Variants in TLR4 observed in about 807,000 individuals in gnomAD.
TLR4 encodes toll like receptor 4.
Under a neutral mutation model 27.4 loss-of-function variants are expected in TLR4, and 17 were observed. The observed-to-expected ratio is 0.62, with a 90% CI of 0.42 to 0.93. The LOEUF is 0.93. TLR4 is among the 40% of genes least tolerant of loss of function. TLR4 has a pLI of 0.00. For missense variants in TLR4, 926 were observed against 962.3 expected (o/e 0.96, Z 0.50); for synonymous variants, 363 against 365.7 (o/e 0.99, Z 0.08).
At chr9:117,706,807 C>A (rs890483613) in intron 1 of TLR4, among the ~76,000 whole-genome samples, 1 of 152,174 alleles carries the variant, frequency 6.6e-6, no homozygotes, top group Non-Finnish European at 1.5e-5. Flanking sequence ...TATTTTATGG[C>A]CCCTTGAGAT....
At position 117,722,379 on chromosome 9, in the gene TLR4, A is replaced by T. The variant is rs2131181633; in HGVS notation, c.*7731A>T. 6.6e-6 allele frequency: 1 copy of T among 152,316 alleles called. No homozygotes were observed. The highest frequency in any genetic ancestry group is 1.9e-4 in the East Asian group (1 of 5,186). The allele number at this position is 152,316 out of a possible 1,614,324, so 9.4% of individuals were successfully genotyped here. A position where few individuals can be genotyped will look rare whatever the true frequency, so the allele number is the denominator to read the frequency against. Reference sequence around the variant, plus strand: ...TGAAATTCAGTAGTTTTGGTCTTTAAGCTGAGACCCTGAGTCTTCTGAGGA... The same window carrying T: ...TGAAATTCAGTAGTTTTGGTCTTTATGCTGAGACCCTGAGTCTTCTGAGGA... On this transcript the variant is annotated 3_prime_UTR_variant, in exon 3 of 3. Transcript: ENST00000355622.
At chr9:117,706,371 T>C (rs12344353) in intron 1 of TLR4, among the ~76,000 whole-genome samples, 12,262 of 152,240 alleles carry the variant, frequency 0.081, 614 homozygotes, top group African/African-American at 0.13. Flanking sequence ...CACAACATTT[T>C]ATATTTTTGT....
chr9:117,714,397 T>C lies in TLR4; in HGVS notation c.2269T>C (p.Trp757Arg), dbSNP rs1829304123. Residue 757 changes from tryptophan (W) to arginine (R), a missense_variant, in exon 3 of 3, where the codon TGG becomes CGG. Transcript: ENST00000355622. ...CTTTGAATATGAGATTGCTCAGACC[T>C]GGCAGTTTCTGAGCAGTCGTGCTGG... ...CIFEYEIAQT[W>R]QFLSSRAGII... 1.2e-6 allele frequency: 2 copies of C among 1,610,912 alleles called. No individual in the cohort carries two copies.
intron 2 of TLR4, among the ~76,000 whole-genome samples, chr9:117,710,908 AG>A (rs1829220466): frequency 2.0e-5 from 3 of 152,152 alleles, no homozygotes; most frequent in African/African-American, 7.2e-5. Context: ...ACTTCTCTAA[AG>A]TGATTATCAC....
At chr9:117,708,022 G>C (rs1829164288) in intron 1 of TLR4, 1 of 183,360 alleles carries the variant, frequency 5.5e-6, no homozygotes, top group Admixed American at 6.2e-5. Context: ...TCATGGATTT[G>C]TGTGTCATCC....
In TLR4 at chr9:117,714,194, G is replaced by A; in HGVS notation, c.2066G>A (p.Arg689Lys). Reference sequence around the variant, plus strand: ...TCAAGCCAGGATGAGGACTGGGTAAGGAATGAGCTAGTAAAGAATTTAGAA... The same window carrying A: ...TCAAGCCAGGATGAGGACTGGGTAAAGAATGAGCTAGTAAAGAATTTAGAA... ...IYSSQDEDWV[R>K]NELVKNLEEG... Residue 689 changes from arginine (R) to lysine (K), a missense_variant, in exon 3 of 3, where the codon AGG (arginine) becomes AAG (lysine). By Grantham distance (26) the Arg-to-Lys change is conservative (BLOSUM62 2). Transcript: ENST00000355622. 2 of 1,611,078 alleles carry A rather than the reference G, an allele frequency of 1.2e-6. No homozygotes were observed. Among genetic ancestry groups the A allele is most frequent in the Non-Finnish European group, 1.7e-6 (2 of 1,177,454 alleles).
rs758725155 is a variant in TLR4 at position 117,713,242 on chromosome 9, C to G, written c.1114C>G (p.Leu372Val). ...KGGNAFSEVD[L>V]PSLEFLDLSR... ...TGGGAATGCTTTTTCAGAAGTTGAT[C>G]TACCAAGCCTTGAGTTTCTAGATCT... Residue 372 changes from leucine to valine, a missense_variant, in exon 3 of 3, where the codon CTA (leucine) becomes GTA (valine). Physicochemically the swap from Leu to Val is conservative, Grantham distance 32 (BLOSUM62 1). Coordinates refer to ENST00000355622, the MANE Select transcript of TLR4 (RefSeq NM_138554.5). 6.2e-6 allele frequency: 10 copies of G among 1,614,004 alleles called. No homozygotes were observed. Among genetic ancestry groups the G allele is most frequent in the African/African-American group, 2.7e-5 (2 of 75,042 alleles).
In TLR4 at chr9:117,713,406, T is replaced by C. The variant is rs200422615; in HGVS notation, c.1278T>C (p.His426=). The part of the protein sequence containing the change: ...SNFLGLEQLE[H]LDFQHSNLKQ... ...TCTTGGGCTTAGAACAACTAGAACATCTGGATTTCCAGCATTCCAATTTGA... is the reference window on the plus strand; with the variant it reads ...TCTTGGGCTTAGAACAACTAGAACACCTGGATTTCCAGCATTCCAATTTGA... The change falls in exon 3 of 3, where the codon CAT becomes CAC. Residue 426 remains histidine (H), a synonymous_variant. Coordinates refer to ENST00000355622, the MANE Select transcript of TLR4 (RefSeq NM_138554.5). The C allele has an allele frequency of 3.2e-5, 52 of 1,614,056 alleles. No homozygotes were observed. The highest frequency in any genetic ancestry group is 8.3e-5 in the Admixed American group (5 of 60,006).
rs200109902 is a variant in TLR4, at chr9:117,712,380, T to C, written c.261-9T>C. On this transcript the variant is annotated splice_polypyrimidine_tract_variant and intron_variant, in intron 2 of 2. Transcript: ENST00000355622. Reference sequence around the variant, plus strand: ...ATATTAGATAATCAATGTCTTTTTATTCCTGTAGGTGTGAAATCCAGACAA... The same window carrying C: ...ATATTAGATAATCAATGTCTTTTTACTCCTGTAGGTGTGAAATCCAGACAA... 1.2e-6 allele frequency: 2 copies of C among 1,611,890 alleles called. No homozygotes were observed. Among genetic ancestry groups the C allele is most frequent in the Non-Finnish European group, 1.7e-6 (2 of 1,178,216 alleles).
At position 117,714,295 on chromosome 9, in the gene TLR4, A is replaced by G. The variant is rs548839944; in HGVS notation, c.2167A>G (p.Ile723Val). Residue 723 changes from isoleucine (I) to valine (V), a missense_variant, in exon 3 of 3, where the codon ATC (isoleucine) becomes GTC (valine). Coordinates refer to ENST00000355622, the MANE Select transcript of TLR4 (RefSeq NM_138554.5). Reference protein sequence around the residue: ...IPGVAIAANIIHEGFHKSRKV... With the variant: ...IPGVAIAANIVHEGFHKSRKV... ...CGGTGTGGCCATTGCTGCCAACATC[A>G]TCCATGAAGGTTTCCATAAAAGCCG... The G allele has an allele frequency of 2.5e-6, 4 of 1,592,878 alleles. No individual in the cohort carries two copies. Among genetic ancestry groups the G allele is most frequent in the African/African-American group, 2.7e-5 (2 of 74,494 alleles).
rs201897073 is a variant in TLR4 at position 117,712,565 on chromosome 9, T to C, written c.437T>C (p.Ile146Thr). ...TNLASLENFP[I>T]GHLKTLKELN... The stretch of plus-strand genomic sequence containing the variant: ...CTAGCATCTCTAGAGAACTTCCCCA[T>C]TGGACATCTCAAAACTTTGAAAGAA... The change falls in exon 3 of 3, where the codon ATT (isoleucine) becomes ACT (threonine). Residue 146 changes from isoleucine to threonine, a missense_variant. Transcript: ENST00000355622. The C allele has an allele frequency of 8.1e-6, 13 of 1,613,884 alleles. No individual in the cohort carries two copies. Among genetic ancestry groups the C allele is most frequent in the African/African-American group, 2.7e-5 (2 of 74,918 alleles).
rs1463053330 is a variant in TLR4 at position 117,714,889 on chromosome 9, A to G, written c.*241A>G. 2 of 555,154 alleles carry G rather than the reference A, an allele frequency of 3.6e-6. No individual in the cohort carries two copies. Among genetic ancestry groups the G allele is most frequent in the South Asian group, 2.1e-5 (1 of 47,356 alleles). The allele number at this position is 555,154 out of a possible 1,614,324, so 34.4% of individuals were successfully genotyped here. A position where few individuals can be genotyped will look rare whatever the true frequency, so the allele number is the denominator to read the frequency against. On this transcript the variant is annotated 3_prime_UTR_variant, in exon 3 of 3. Transcript: ENST00000355622. ...TTCAACCAACTCAGTCAAGGAACCC[A>G]TGACAAAGAAAGTCATTTCAACTCT...
intron 1 of TLR4, 52 bp from the exon 2 acceptor site, chr9:117,708,511 A>G: frequency 6.2e-7 from 1 of 1,611,518 alleles, no homozygotes; most frequent in South Asian, 1.1e-5. Context: ...AGGAGAGGGG[A>G]GTTGGGAGAC....
Position 117,718,733 on chromosome 9 carries a change from G to A in TLR4, c.*4085G>A, listed in dbSNP as rs752569783. On this transcript the variant is annotated 3_prime_UTR_variant, in exon 3 of 3. Transcript: ENST00000355622. ...GAAAATCATGTATTATGTTCAATAC[G>A]GGGACACTGTCCTTATGGGTGAGTA... 2.6e-5 allele frequency: 4 copies of A among 152,092 alleles called. No homozygotes were observed. The highest frequency in any genetic ancestry group is 7.2e-5 in the African/African-American group (3 of 41,402). The allele number at this position is 152,092 out of a possible 1,614,324, so 9.4% of individuals were successfully genotyped here. A position where few individuals can be genotyped will look rare whatever the true frequency, so the allele number is the denominator to read the frequency against.
chr9:117,705,219 G>A (rs1167373439), intron 1 of TLR4, among the ~76,000 whole-genome samples: 3 of 152,254 alleles, frequency 2.0e-5, no homozygotes, highest in African/African-American at 7.2e-5. Flanking sequence ...CAGCTGGTTG[G>A]TAATCTTATT....
Position 117,718,582 on chromosome 9 carries a change from G to A in TLR4, c.*3934G>A, listed in dbSNP as rs1829386269. The A allele has an allele frequency of 2.6e-5, 4 of 151,858 alleles. No homozygotes were observed. In the South Asian group the frequency reaches 8.3e-4, roughly 32 times the overall value. 9.4% of individuals were successfully genotyped at this position (151,858 alleles called of 1,614,324 possible). A position where few individuals can be genotyped will look rare whatever the true frequency, so the allele number is the denominator to read the frequency against. On this transcript the variant is annotated 3_prime_UTR_variant, in exon 3 of 3. Coordinates refer to ENST00000355622, the MANE Select transcript of TLR4 (RefSeq NM_138554.5). ...TGTTTTGAGTAGCGTGGCTTTTGGA[G>A]AAAGCCAAAACTCAAATTCACTCCT...
chr9:117,720,540 C>A lies in TLR4; in HGVS notation c.*5892C>A, dbSNP rs1357895742. On this transcript the variant is annotated 3_prime_UTR_variant, in exon 3 of 3. Coordinates refer to ENST00000355622, the MANE Select transcript of TLR4 (RefSeq NM_138554.5). ...TAATGGGTTTCTGAAAGGCTGCAAG[C>A]AGTTCTGGGAATGGCAATAAAGGTT... 1 of 152,098 alleles carries A rather than the reference C, an allele frequency of 6.6e-6. No homozygotes were observed. Among genetic ancestry groups the A allele is most frequent in the Non-Finnish European group, 1.5e-5 (1 of 68,028 alleles). 9.4% of individuals were successfully genotyped at this position (152,098 alleles called of 1,614,324 possible).
In TLR4 at chr9:117,712,485, G is replaced by C. The variant is rs201205924; in HGVS notation, c.357G>C (p.Leu119=). ...GAAACCCCATCCAGAGTTTAGCCCT[G>C]GGAGCCTTTTCTGGACTATCAAGTT... ...LTGNPIQSLA[L]GAFSGLSSLQ... is the part of the protein sequence containing the mutation. The change falls in exon 3 of 3, where the codon CTG becomes CTC. Residue 119 remains leucine (L), a synonymous_variant. Coordinates refer to ENST00000355622, the MANE Select transcript of TLR4 (RefSeq NM_138554.5). 2 of 1,613,852 alleles carry C rather than the reference G, an allele frequency of 1.2e-6. No homozygotes were observed. The highest frequency in any genetic ancestry group is 1.3e-5 in the African/African-American group (1 of 74,996).
rs1829105638 is a variant in TLR4 at position 117,704,635 on chromosome 9, GGTTT to G, written c.93+75_93+78del. ...CCCAGAACTTCTCACTGTGTGCCCTGGTTTGTTTATTTTTGCAAAAAAAAAAAAG... is the reference window on the plus strand; with the variant it reads ...CCCAGAACTTCTCACTGTGTGCCCTGGTTTATTTTTGCAAAAAAAAAAAAG... On this transcript the variant is annotated intron_variant, in intron 1 of 2. Transcript: ENST00000355622. 3.7e-6 allele frequency: 5 copies of G among 1,348,224 alleles called. No homozygotes were observed. The South Asian group carries it at 4.8e-5, about 13-fold the overall frequency. The allele number at this position is 1,348,224 out of a possible 1,614,324, so 83.5% of individuals were successfully genotyped here.
Sources: gnomAD v4.1 joint callset for allele counts (sites outside exome capture counted in the v4.1 genomes callset) on GRCh38, gnomAD v4.1.1 for gene constraint, MANE v1.5 for transcripts, NCBI Gene and HGNC (gene_info 2026-07-23, HGNC 2026-07-21) for gene names.